The following GUCY1A2 variants were observed in gnomAD, a reference collection of about 807,000 sequenced individuals.
GUCY1A2 encodes the protein guanylate cyclase 1 soluble subunit alpha 2, also known as guanylate cyclase soluble subunit alpha-2.
In GUCY1A2, 27 loss-of-function variants were observed where a neutral mutation model predicts 63.5. The observed-to-expected ratio is 0.43, with a 90% CI of 0.31 to 0.59. GUCY1A2 has a LOEUF of 0.59. GUCY1A2 is among the 20% of genes least tolerant of loss of function. The probability of loss-of-function intolerance (pLI) is 0.11; values close to 1 mark genes in which losing one functional copy is unlikely to be tolerated. For synonymous variants in GUCY1A2, 364 were observed against 343.5 expected (o/e 1.06, Z -0.66); for missense variants, 768 against 913.3 (o/e 0.84, Z 2.05).
intron 4 of GUCY1A2, among the ~76,000 whole-genome samples, chr11:106,852,952 C>T (rs1327141358): frequency 1.3e-5 from 2 of 152,096 alleles, no homozygotes; most frequent in Non-Finnish European, 2.9e-5. Flanking sequence ...CCTTTCAGCA[C>T]TTGGAATAGA....
At chr11:106,689,429 T>A (rs1002997388) in intron 7 of GUCY1A2, among the ~76,000 whole-genome samples, 2 of 152,150 alleles carry the variant, frequency 1.3e-5, no homozygotes, top group African/African-American at 4.8e-5. Flanking sequence ...TTTATTCACA[T>A]AATATAGTTG....
Position 106,821,490 on chromosome 11 carries a change from T to A in GUCY1A2, c.1207-11012A>T, listed in dbSNP as rs970236684. ...CTGGGGTGCTTTTGTCACCACACTG[T>A]CATTCACACATCCCATGGGAGATGT... On this transcript the variant is annotated intron_variant, in intron 4 of 7. Coordinates refer to ENST00000526355, the MANE Select transcript of GUCY1A2 (RefSeq NM_000855.3). 8.1e-4 allele frequency among the ~76,000 whole-genome samples: 124 copies of A among 152,306 alleles called. 1 individual carries two copies. Among genetic ancestry groups the A allele is most frequent in the African/African-American group, 2.9e-3 (121 of 41,576 alleles).
chr11:106,827,235 CT>C, intron 4 of GUCY1A2: 1 of 1,543,052 alleles, frequency 6.5e-7, no homozygotes, highest in South Asian at 1.1e-5. Flanking sequence ...TTCTAGCTTC[CT>C]TTTTCCTTCC....
At chr11:106,950,223 T>A (rs534669089) in intron 3 of GUCY1A2, among the ~76,000 whole-genome samples, 1 of 152,336 alleles carries the variant, frequency 6.6e-6, no homozygotes, top group East Asian at 1.9e-4. Context: ...GCCACTGTGC[T>A]ATGCCTGCTA....
intron 4 of GUCY1A2, among the ~76,000 whole-genome samples, chr11:106,904,743 A>G (rs1231494492): frequency 6.6e-6 from 1 of 152,040 alleles, no homozygotes; most frequent in Admixed American, 6.6e-5. Context: ...CAACTTTAAT[A>G]TATTCAATCT....
rs376618604 is a variant in GUCY1A2, at chr11:106,868,102, T to C, written c.1207-57624A>G. 4.1e-4 allele frequency among the ~76,000 whole-genome samples: 62 copies of C among 152,074 alleles called. 1 individual carries two copies. In the South Asian group the frequency reaches 7.1e-3, roughly 17 times the overall value. On this transcript the variant is annotated intron_variant, in intron 4 of 7. Transcript: ENST00000526355. ...GTCTTCGGTTTCATAATGTTCAAGA[T>C]AAAATACTGAATAAAACTACATAAA...
intron 4 of GUCY1A2, among the ~76,000 whole-genome samples, chr11:106,818,010 A>G (rs1858853110): frequency 6.6e-6 from 1 of 152,132 alleles, no homozygotes; most frequent in South Asian, 2.1e-4. Context: ...TTAAAAAATG[A>G]AATCAAATGA....
At chr11:106,914,332 A>T (rs1436425642) in intron 4 of GUCY1A2, among the ~76,000 whole-genome samples, 1 of 152,108 alleles carries the variant, frequency 6.6e-6, no homozygotes, top group East Asian at 1.9e-4. Flanking sequence ...TTAATGTGAA[A>T]GTGACCCTAC....
intron 4 of GUCY1A2, among the ~76,000 whole-genome samples, chr11:106,923,270 G>T (rs182794887): frequency 6.6e-6 from 1 of 152,280 alleles, no homozygotes; most frequent in East Asian, 1.9e-4. Flanking sequence ...GCTATCACAT[G>T]TATTCTCCTA....
At chr11:106,908,414 TAA>T (rs1860243373) in intron 4 of GUCY1A2, among the ~76,000 whole-genome samples, 1 of 152,066 alleles carries the variant, frequency 6.6e-6, no homozygotes, top group Admixed American at 6.6e-5. Flanking sequence ...ATAGGCACAA[TAA>T]TATTTATGTA....
chr11:106,748,607 T>C (rs916613430), intron 6 of GUCY1A2, among the ~76,000 whole-genome samples: 5 of 152,232 alleles, frequency 3.3e-5, no homozygotes, highest in Admixed American at 2.6e-4. Flanking sequence ...ATGGTACACA[T>C]TTAAACCATG....
intron 4 of GUCY1A2, among the ~76,000 whole-genome samples, chr11:106,921,097 A>G (rs1860438542): frequency 1.3e-5 from 2 of 152,094 alleles, no homozygotes; most frequent in Non-Finnish European, 1.5e-5. Context: ...GCCTTACTCA[A>G]TCCATGTGCA....
At chr11:106,800,669 A>C (rs1472219633) in intron 5 of GUCY1A2, among the ~76,000 whole-genome samples, 2 of 152,038 alleles carry the variant, frequency 1.3e-5, no homozygotes, top group Non-Finnish European at 2.9e-5. Context: ...GTTCTCACTC[A>C]TATGTGGGAA....
chr11:106,841,871 T>A (rs1292271220), intron 4 of GUCY1A2, among the ~76,000 whole-genome samples: 1 of 151,972 alleles, frequency 6.6e-6, no homozygotes, highest in African/African-American at 2.4e-5. Context: ...TTACTACCTT[T>A]TTTTTCCTAT....
intron 6 of GUCY1A2, among the ~76,000 whole-genome samples, chr11:106,719,100 A>G (rs1863269334): frequency 6.6e-6 from 1 of 152,142 alleles, no homozygotes; most frequent in Non-Finnish European, 1.5e-5. Context: ...ATTGAAATCT[A>G]CCTTGTATTA....
chr11:106,929,818 GT>G (rs1242290445), intron 4 of GUCY1A2, among the ~76,000 whole-genome samples: 1 of 151,920 alleles, frequency 6.6e-6, no homozygotes, highest in African/African-American at 2.4e-5. Flanking sequence ...TTTGACACTG[GT>G]TTTGCCTTCT....
chr11:106,946,680 C>T (rs533682995), intron 3 of GUCY1A2, among the ~76,000 whole-genome samples: 2 of 152,056 alleles, frequency 1.3e-5, no homozygotes, highest in South Asian at 4.2e-4. Flanking sequence ...GAGACATAAA[C>T]CAAGCAACAT....
At chr11:106,837,764 G>C (rs1591296833) in intron 4 of GUCY1A2, among the ~76,000 whole-genome samples, 2 of 151,930 alleles carry the variant, frequency 1.3e-5, no homozygotes, top group South Asian at 4.1e-4. Flanking sequence ...TGAAAAATTA[G>C]TACATAAAAA....
chr11:106,945,698 C>T lies in GUCY1A2; in HGVS notation c.488-5520G>A, dbSNP rs1034335371. On this transcript the variant is annotated intron_variant, in intron 3 of 7. Coordinates refer to ENST00000526355, the MANE Select transcript of GUCY1A2 (RefSeq NM_000855.3). Reference sequence around the variant, plus strand: ...TACTGATACAGGCCGGGTGCGGTGGCTTACGCCTGTAATCCCAGCACTTTG... The same window carrying T: ...TACTGATACAGGCCGGGTGCGGTGGTTTACGCCTGTAATCCCAGCACTTTG... Among the ~76,000 whole-genome samples, 13 of 152,360 alleles carry T rather than the reference C, an allele frequency of 8.5e-5. No individual in the cohort carries two copies. The East Asian group carries it at 2.3e-3, about 27-fold the overall frequency.
Sources: gnomAD v4.1 joint callset for allele counts (sites outside exome capture counted in the v4.1 genomes callset) on GRCh38, gnomAD v4.1.1 for gene constraint, MANE v1.5 for transcripts, NCBI Gene and HGNC (gene_info 2026-07-23, HGNC 2026-07-21) for gene names.